The following NPHS1 variants were observed in gnomAD, a reference collection of about 807,000 sequenced individuals.
The protein encoded by NPHS1 is NPHS1 adhesion molecule, nephrin, also known as nephrin.
NPHS1 carries 107 observed loss-of-function variants against 139.7 expected under a neutral mutation model. The ratio of observed to expected loss-of-function variants is 0.77; its 90% CI spans 0.66 to 0.90. The LOEUF is 0.90. NPHS1 is among the 40% of genes least tolerant of loss of function. The pLI is 0.00. For missense variants in NPHS1, 1,580 were observed against 1,654.2 expected (o/e 0.96, Z 0.78); for synonymous variants, 707 against 706.6 (o/e 1.00, Z -0.01).
Position 35,851,657 on chromosome 19 carries a change from G to A in NPHS1, c.74C>T (p.Ala25Val), listed in dbSNP as rs368988883. The A allele has an allele frequency of 1.7e-5, 28 of 1,612,782 alleles. No individual in the cohort carries two copies. The African/African-American group carries it at 2.4e-4, about 14-fold the overall frequency. The change falls in exon 2 of 29, where the codon GCG becomes GTG. Residue 25 changes from alanine (A) to valine (V), a missense_variant. Ala to Val is a moderately conservative substitution (Grantham distance 64, BLOSUM62 0). Coordinates refer to ENST00000378910, the MANE Select transcript of NPHS1 (RefSeq NM_004646.4). ...GCCCCGGGGAACGGAGGCAGGAATC[G>A]CCAACTGCGCCAGGCCTGAGGACAC... Reference protein sequence around the residue: ...GLLTEGLAQLAIPASVPRGFW... With the variant: ...GLLTEGLAQLVIPASVPRGFW...
intron 28 of NPHS1, among the ~76,000 whole-genome samples, chr19:35,828,567 T>C (rs1241335506): frequency 6.6e-6 from 1 of 152,158 alleles, no homozygotes; most frequent in African/African-American, 2.4e-5. Flanking sequence ...CCCGGCCTGG[T>C]TTTTCATTTT....
chr19:35,832,657 A>G (rs1376912824), intron 23 of NPHS1, among the ~76,000 whole-genome samples: 1 of 151,834 alleles, frequency 6.6e-6, no homozygotes, highest in Non-Finnish European at 1.5e-5. Flanking sequence ...TGGGAGGCTG[A>G]GGGGTTGGAT....
At position 35,849,568 on chromosome 19, in the gene NPHS1, A is replaced by C; in HGVS notation, c.694T>G (p.Phe232Val). 1 of 1,613,844 alleles carries C rather than the reference A, an allele frequency of 6.2e-7. No individual in the cohort carries two copies. Among genetic ancestry groups the C allele is most frequent in the Non-Finnish European group, 8.5e-7 (1 of 1,179,738 alleles). The change falls in exon 6 of 29, where the codon TTC becomes GTC. Residue 232 changes from phenylalanine (F) to valine (V), a missense_variant. Physicochemically the swap from Phe to Val is conservative, Grantham distance 50 (BLOSUM62 -1). Coordinates refer to ENST00000378910, the MANE Select transcript of NPHS1 (RefSeq NM_004646.4). ...PALEAPIKAS[F>V]TVNVLFPPGP... ...CACTTACACAGAACATTCACGGTGA[A>C]TGAGGCCTTGATGGGGGCCTCCAGT...
At chr19:35,851,173 G>A (rs1973242558) in intron 3 of NPHS1, 84 bp from the exon 4 acceptor site, 4 of 1,612,764 alleles carry the variant, frequency 2.5e-6, no homozygotes, top group African/African-American at 2.7e-5. Flanking sequence ...TCTGGGAGAG[G>A]AGAGGCTGGG....
intron 4 of NPHS1, 24 bp downstream of exon 4, chr19:35,850,937 G>A: frequency 6.2e-7 from 1 of 1,613,308 alleles, no homozygotes; most frequent in Non-Finnish European, 8.5e-7. Flanking sequence ...GCTGCCCCCT[G>A]CCACCCAGTT....
chr19:35,826,432 C>A lies in NPHS1; in HGVS notation c.*82G>T, dbSNP rs569295487. The A allele has an allele frequency of 1.4e-4, 214 of 1,565,850 alleles. 1 individual carries two copies. The East Asian group carries it at 2.4e-3, about 17-fold the overall frequency. On this transcript the variant is annotated 3_prime_UTR_variant, in exon 29 of 29. Transcript: ENST00000378910. ...TTTGGGTTTTATGGAGCTCACCTAACCAGCTCGGCCCAGGCTGTAATGAGA... is the reference window on the plus strand; with the variant it reads ...TTTGGGTTTTATGGAGCTCACCTAAACAGCTCGGCCCAGGCTGTAATGAGA...
chr19:35,848,118 G>A lies in NPHS1; in HGVS notation c.1363C>T (p.Leu455Phe), dbSNP rs1183148591. 1 of 1,614,050 alleles carries A rather than the reference G, an allele frequency of 6.2e-7. No homozygotes were observed. Among genetic ancestry groups the A allele is most frequent in the South Asian group, 1.1e-5 (1 of 91,086 alleles). The change falls in exon 11 of 29, where the codon CTC becomes TTC. Residue 455 changes from leucine (L) to phenylalanine (F), a missense_variant. Transcript: ENST00000378910. The part of the protein sequence containing the change: ...WIEGPPEGQK[L>F]RAGTRVRLVC... ...AGCCTCACCCGGGTCCCAGCCCGGA[G>A]CTTCTGGCCCTCTGGGGGACCCTCA...
At chr19:35,841,683 C>A (rs755466796) in intron 20 of NPHS1, 32 bp downstream of exon 20, 4 of 1,612,908 alleles carry the variant, frequency 2.5e-6, no homozygotes, top group Non-Finnish European at 3.4e-6. Context: ...AGGGAGCACC[C>A]CCTCCCCAAC....
intron 23 of NPHS1, among the ~76,000 whole-genome samples, chr19:35,835,216 A>AAAAG (rs1203433425): frequency 2.4e-4 from 35 of 147,968 alleles, no homozygotes; most frequent in African/African-American, 5.9e-4. Context: ...AAAAAAAAAA[A>AAAAG]AAAGAAAGAA....
In NPHS1 at chr19:35,844,361, C is replaced by T. The variant is rs1474398032; in HGVS notation, c.2029G>A (p.Glu677Lys). The T allele has an allele frequency of 2.5e-6, 4 of 1,613,524 alleles. No individual in the cohort carries two copies. Among genetic ancestry groups the T allele is most frequent in the Non-Finnish European group, 2.5e-6 (3 of 1,179,910 alleles). Residue 677 changes from glutamate (E) to lysine (K), a missense_variant, in exon 15 of 29, where the codon GAG becomes AAG. Transcript: ENST00000378910. ...PVSVSANPAP[E>K]AFNWTFRGYR... ...CCGCGGAAGGTCCAGTTGAAGGCCTCGGGGGCGGGGTTAGCGGACACGGAC... is the reference window on the plus strand; with the variant it reads ...CCGCGGAAGGTCCAGTTGAAGGCCTTGGGGGCGGGGTTAGCGGACACGGAC...
rs2146816640 is a variant in NPHS1 at position 35,839,582 on chromosome 19, T to C, written c.2841A>G (p.Leu947=). The C allele has an allele frequency of 7.4e-6, 12 of 1,614,086 alleles. No homozygotes were observed. Among genetic ancestry groups the C allele is most frequent in the Non-Finnish European group, 1.0e-5 (12 of 1,180,006 alleles). ...SISRPDPPSG[L]KVVSLTPHSV... is the part of the protein sequence containing the mutation. Reference sequence around the variant, plus strand: ...AGTGTGGGGTCAGACTCACAACCTTTAATCCTGATGGAGGGTCAGGGCGGC... The same window carrying C: ...AGTGTGGGGTCAGACTCACAACCTTCAATCCTGATGGAGGGTCAGGGCGGC... Residue 947 remains leucine (L), a synonymous_variant, in exon 21 of 29, where the codon TTA becomes TTG. Coordinates refer to ENST00000378910, the MANE Select transcript of NPHS1 (RefSeq NM_004646.4).
rs763344711 is a variant in NPHS1, at chr19:35,842,172, A to G, written c.2615T>C (p.Val872Ala). The G allele has an allele frequency of 6.2e-7, 1 of 1,610,428 alleles. No homozygotes were observed. Among genetic ancestry groups the G allele is most frequent in the Non-Finnish European group, 8.5e-7 (1 of 1,178,732 alleles). The change falls in exon 19 of 29, where the codon GTT becomes GCT. Residue 872 changes from valine to alanine, a missense_variant. Transcript: ENST00000378910. ...HCRARGVPNI[V>A]FTWTKNGVPL... is the part of the protein sequence containing the mutation. ...GACCCCGTTTTTTGTCCAAGTGAAAACGATGTTGGGGACACCTCGGGCACG... is the reference window on the plus strand; with the variant it reads ...GACCCCGTTTTTTGTCCAAGTGAAAGCGATGTTGGGGACACCTCGGGCACG...
In NPHS1 at chr19:35,826,770, C is replaced by T. The variant is rs540419682; in HGVS notation, c.3595-125G>A. 3.0e-6 allele frequency: 3 copies of T among 1,004,906 alleles called. No homozygotes were observed. In the South Asian group the frequency reaches 3.9e-5, roughly 13 times the overall value. 62.2% of individuals were successfully genotyped at this position (1,004,906 alleles called of 1,614,324 possible). On this transcript the variant is annotated intron_variant, in intron 28 of 28. Transcript: ENST00000378910. ...AAGTGTTTTAGCTTTTACTAAAATC[C>T]CAACATATACAAAAAAGGAGTGTGA...
At position 35,850,976 on chromosome 19, in the gene NPHS1, T is replaced by C. The variant is rs1973236932; in HGVS notation, c.511A>G (p.Ile171Val). 2 of 1,614,000 alleles carry C rather than the reference T, an allele frequency of 1.2e-6. No homozygotes were observed. Among genetic ancestry groups the C allele is most frequent in the African/African-American group, 2.7e-5 (2 of 74,924 alleles). The part of the protein sequence containing the change: ...VSGDAKPAPD[I>V]TILLSGQTIS... ...CCACACTCACTCAGGAGAATGGTGA[T>C]GTCAGGTGCTGGCTTCGCGTCCCCA... Residue 171 changes from isoleucine (I) to valine (V), a missense_variant, in exon 4 of 29, where the codon ATC (isoleucine) becomes GTC (valine). Coordinates refer to ENST00000378910, the MANE Select transcript of NPHS1 (RefSeq NM_004646.4).
At chr19:35,838,478 G>C (rs555643672) in intron 22 of NPHS1, among the ~76,000 whole-genome samples, 1 of 151,784 alleles carries the variant, frequency 6.6e-6, no homozygotes, top group Admixed American at 6.6e-5. Context: ...GCTTGAACCC[G>C]GGAGGCGGAG....
rs1437050024 is a variant in NPHS1, at chr19:35,844,389, G to A, written c.2001C>T (p.Pro667=). The A allele has an allele frequency of 1.2e-6, 2 of 1,612,018 alleles. No individual in the cohort carries two copies. Among genetic ancestry groups the A allele is most frequent in the Admixed American group, 1.7e-5 (1 of 59,778 alleles). The change falls in exon 15 of 29, where the codon CCC becomes CCT. Residue 667 remains proline (P), a synonymous_variant. Transcript: ENST00000378910. ...GGGCGGGGTTAGCGGACACGGACAC[G>A]GGCAGCAACGCCTCGCCCTGCTCCA... ...TAVEQGEALL[P]VSVSANPAPE...
chr19:35,841,772 A>C lies in NPHS1; in HGVS notation c.2758T>G (p.Cys920Gly). Residue 920 changes from cysteine (C) to glycine (G), a missense_variant, in exon 20 of 29, where the codon TGT becomes GGT. Physicochemically the swap from Cys to Gly is radical, Grantham distance 159. Coordinates refer to ENST00000378910, the MANE Select transcript of NPHS1 (RefSeq NM_004646.4). ...GAGCCAAGGGCGTTGGTGGCTGTAC[A>C]TGTGAAGAGGGCGTAATCCTGGGCG... ...SAAQDYALFTCTATNALGSDQ... is the reference protein window; with the variant it reads ...SAAQDYALFTGTATNALGSDQ... 1 of 1,614,162 alleles carries C rather than the reference A, an allele frequency of 6.2e-7. No homozygotes were observed. Among genetic ancestry groups the C allele is most frequent in the Non-Finnish European group, 8.5e-7 (1 of 1,180,048 alleles).
chr19:35,837,026 A>AAAGAAAG (rs1399679221), intron 22 of NPHS1, among the ~76,000 whole-genome samples: 19 of 131,926 alleles, frequency 1.4e-4, no homozygotes, highest in African/African-American at 4.6e-4. Flanking sequence ...AAAAGAAAAG[A>AAAGAAAG]AAAGAAAGAA....
chr19:35,849,590 C>CA lies in NPHS1; in HGVS notation c.671dup (p.Glu225GlyfsTer28), dbSNP rs753394912. 1.3e-5 allele frequency: 21 copies of CA among 1,614,108 alleles called. No individual in the cohort carries two copies. The highest frequency in any genetic ancestry group is 1.8e-5 in the Non-Finnish European group (21 of 1,180,008). ...TGAATGAGGCCTTGATGGGGGCCTC[C>CA]AGTGCTGGGCTAGACGCCTCACAGA... On this transcript the variant is annotated frameshift_variant, in exon 6 of 29. Transcript: ENST00000378910. LOFTEE classifies it high-confidence loss of function.
Sources: allele counts gnomAD v4.1 joint callset (sites outside exome capture counted in the v4.1 genomes callset), GRCh38; gene constraint gnomAD v4.1.1; transcripts MANE v1.5; gene names NCBI Gene and HGNC (gene_info 2026-07-23, HGNC 2026-07-21).